The following KCNQ5 variants were observed in gnomAD, a reference collection of about 807,000 sequenced individuals.
KCNQ5 encodes potassium voltage-gated channel subfamily Q member 5.
KCNQ5 carries 30 observed loss-of-function variants against 98.2 expected under a neutral mutation model. That is an observed-to-expected ratio of 0.31 (90% CI 0.23 to 0.41). KCNQ5 has a LOEUF of 0.41. Among genes scored for constraint, KCNQ5 ranks in the 10% least tolerant of loss-of-function variants. The probability of loss-of-function intolerance (pLI) is 1.00; values close to 1 mark genes in which losing one functional copy is unlikely to be tolerated. For synonymous variants in KCNQ5, 458 were observed against 449.4 expected (o/e 1.02, Z -0.24); for missense variants, 835 against 1,182.5 (o/e 0.71, Z 4.31).
At chr6:72,801,822 G>A (rs1774676024) in intron 1 of KCNQ5, among the ~76,000 whole-genome samples, 1 of 151,546 alleles carries the variant, frequency 6.6e-6, no homozygotes, top group Non-Finnish European at 1.5e-5. Flanking sequence ...GGCAGGCCTG[G>A]TGGTGACAAA....
intron 1 of KCNQ5, among the ~76,000 whole-genome samples, chr6:72,980,267 C>T (rs537943354): frequency 4.6e-5 from 7 of 152,090 alleles, no homozygotes; most frequent in Admixed American, 6.6e-5. Flanking sequence ...TTACCTTGGG[C>T]GGTATGGCCA....
At chr6:72,842,396 C>T (rs999992714) in intron 1 of KCNQ5, among the ~76,000 whole-genome samples, 1 of 152,190 alleles carries the variant, frequency 6.6e-6, no homozygotes, top group Non-Finnish European at 1.5e-5. Context: ...ATACTGCATG[C>T]ATACATGGTG....
intron 1 of KCNQ5, among the ~76,000 whole-genome samples, chr6:72,697,676 A>T (rs930678940): frequency 4.4e-4 from 67 of 152,320 alleles, no homozygotes; most frequent in African/African-American, 1.5e-3. Flanking sequence ...ATTACTTAGG[A>T]CATGAGTTTA....
At chr6:72,961,594 C>T (rs1767355793) in intron 1 of KCNQ5, among the ~76,000 whole-genome samples, 2 of 140,282 alleles carry the variant, frequency 1.4e-5, no homozygotes, top group South Asian at 4.5e-4. Context: ...TGCACTCCAG[C>T]CTGGGTGACA....
intron 1 of KCNQ5, among the ~76,000 whole-genome samples, chr6:72,771,171 T>C (rs1044490613): frequency 6.6e-6 from 1 of 151,942 alleles, no homozygotes; most frequent in African/African-American, 2.4e-5. Flanking sequence ...GATTTAACTG[T>C]GGCCAGGCAG....
intron 1 of KCNQ5, among the ~76,000 whole-genome samples, chr6:72,675,734 C>T (rs920538358): frequency 6.6e-6 from 1 of 152,152 alleles, no homozygotes; most frequent in Admixed American, 6.5e-5. Context: ...ATTCATGGCC[C>T]TTATTTCACT....
At chr6:72,711,128 T>G (rs922321288) in intron 1 of KCNQ5, among the ~76,000 whole-genome samples, 19 of 152,084 alleles carry the variant, frequency 1.2e-4, no homozygotes, top group African/African-American at 2.9e-4. Flanking sequence ...AAAATGAGGT[T>G]GTAAGAGTGG....
intron 12 of KCNQ5, among the ~76,000 whole-genome samples, chr6:73,191,808 T>C (rs58519898): frequency 0.031 from 4,695 of 152,250 alleles, 94 homozygotes; most frequent in East Asian, 0.068. Context: ...AGGAAGTGAG[T>C]ACTGCCTATG....
At chr6:73,087,741 C>G (rs1269608020) in intron 5 of KCNQ5, among the ~76,000 whole-genome samples, 1 of 151,832 alleles carries the variant, frequency 6.6e-6, no homozygotes, top group African/African-American at 2.4e-5. Context: ...AAAGAGCCAC[C>G]AAGGAATACA....
chr6:72,788,680 C>T (rs548785304), intron 1 of KCNQ5, among the ~76,000 whole-genome samples: 1 of 152,136 alleles, frequency 6.6e-6, no homozygotes, highest in South Asian at 2.1e-4. Context: ...CTATATTAAC[C>T]TTATAGTTTG....
chr6:73,194,609 A>G lies in KCNQ5; in HGVS notation c.1994A>G (p.Asp665Gly). ...SDYQSPVDSKDLSGSAQNSGC... is the reference protein window; with the variant it reads ...SDYQSPVDSKGLSGSAQNSGC... ...TATCAAAGCCCTGTGGATAGCAAAG[A>G]TCTTTCGGGTTCCGCACAAAACAGT... Residue 665 changes from aspartate (D) to glycine (G), a missense_variant, in exon 14 of 14, where the codon GAT becomes GGT. By Grantham distance (94) the Asp-to-Gly change is moderately conservative (BLOSUM62 -1). This residue lies in a region of KCNQ5 where 416 missense variants were observed against 446.9 expected (regional missense o/e 0.93). Coordinates refer to ENST00000370398, the MANE Select transcript of KCNQ5 (RefSeq NM_019842.4). The G allele has an allele frequency of 1.2e-6, 2 of 1,614,188 alleles. No individual in the cohort carries two copies. The highest frequency in any genetic ancestry group is 1.7e-6 in the Non-Finnish European group (2 of 1,180,026).
intron 1 of KCNQ5, among the ~76,000 whole-genome samples, chr6:72,996,634 T>C (rs1240740831): frequency 6.6e-6 from 1 of 152,190 alleles, no homozygotes; most frequent in African/African-American, 2.4e-5. Context: ...ACAGTCTTTT[T>C]TGAAACCAAA....
At chr6:72,673,903 A>T (rs1582093039) in intron 1 of KCNQ5, among the ~76,000 whole-genome samples, 1 of 152,164 alleles carries the variant, frequency 6.6e-6, no homozygotes, top group Admixed American at 6.5e-5. Flanking sequence ...ATTAAATTGA[A>T]CCAAATGTTC....
chr6:72,850,625 A>G (rs1777214883), intron 1 of KCNQ5, among the ~76,000 whole-genome samples: 1 of 152,166 alleles, frequency 6.6e-6, no homozygotes, highest in South Asian at 2.1e-4. Context: ...AGTACTTGAA[A>G]TCCTCAGATG....
rs796166750 is a variant in KCNQ5, at chr6:72,758,466, AT to A, written c.398+135880del. Among the ~76,000 whole-genome samples the A allele has an allele frequency of 1.2e-4, 19 of 152,326 alleles. No individual in the cohort carries two copies. The East Asian group carries it at 2.5e-3, about 20-fold the overall frequency. On this transcript the variant is annotated intron_variant, in intron 1 of 13. Transcript: ENST00000370398. ...TAAATTTACCAATCTGTAGCAGCAG[AT>A]AATCCAAGGGAGAGTTCATGCTAGA... is the stretch of plus-strand genomic sequence containing the variant.
chr6:73,151,829 C>T (rs1190670996), intron 10 of KCNQ5, among the ~76,000 whole-genome samples: 1 of 152,144 alleles, frequency 6.6e-6, no homozygotes, highest in Non-Finnish European at 1.5e-5. Context: ...TTTCTTGATT[C>T]ACTCCATTAT....
chr6:72,802,335 CT>C (rs1244261173), intron 1 of KCNQ5, among the ~76,000 whole-genome samples: 1 of 152,096 alleles, frequency 6.6e-6, no homozygotes, highest in Admixed American at 6.6e-5. Context: ...TCTTTTTATT[CT>C]TTTTTCTCTA....
intron 2 of KCNQ5, among the ~76,000 whole-genome samples, chr6:73,006,957 C>T (rs538575966): frequency 2.6e-5 from 4 of 152,264 alleles, no homozygotes; most frequent in East Asian, 3.9e-4. Context: ...CCCTCTTTGA[C>T]ACTCACTCTT....
chr6:72,769,200 A>G (rs1772734459), intron 1 of KCNQ5, among the ~76,000 whole-genome samples: 1 of 152,138 alleles, frequency 6.6e-6, no homozygotes, highest in East Asian at 1.9e-4. Flanking sequence ...TGAATAGAGA[A>G]CAAATGCATA....
Sources: allele counts gnomAD v4.1 joint callset (sites outside exome capture counted in the v4.1 genomes callset), GRCh38; gene constraint gnomAD v4.1.1; regional missense constraint gnomAD v4.1.1; transcripts MANE v1.5; gene names NCBI Gene and HGNC (gene_info 2026-07-23, HGNC 2026-07-21).